CDC40: variants seen among roughly 807,000 people sequenced by gnomAD.
CDC40 encodes cell division cycle 40.
In CDC40, 27 loss-of-function variants were observed where a neutral mutation model predicts 80.6. That is an observed-to-expected ratio of 0.33 (90% confidence interval 0.25 to 0.46). CDC40 has a LOEUF of 0.46. Among genes scored for constraint, CDC40 ranks in the 20% least tolerant of loss-of-function variants. The probability of loss-of-function intolerance (pLI) is 1.00; values close to 1 mark genes in which losing one functional copy is unlikely to be tolerated. For missense variants in CDC40, 486 were observed against 694.1 expected, an observed-to-expected ratio of 0.70 and a Z score of 3.37; for synonymous variants, 221 against 232.6, an observed-to-expected ratio of 0.95 and a Z score of 0.45.
chr6:110,215,187 C>G (rs1445975909), intron 8 of CDC40, 99 bp from the exon 9 acceptor site: 4 of 860,312 alleles, frequency 4.6e-6, no homozygotes, highest in Non-Finnish European at 5.9e-6. Flanking sequence ...TTTACACACA[C>G]AGATGTGCAC....
chr6:110,204,234 G>A (rs923223998), intron 3 of CDC40, among the ~76,000 whole-genome samples: 2 of 151,946 alleles, frequency 1.3e-5, no homozygotes, highest in South Asian at 2.1e-4. Context: ...GGATGGTCTC[G>A]ATCTCCTGAC....
At chr6:110,219,697 C>G (rs1777743887) in intron 11 of CDC40, 39 bp from the exon 12 acceptor site, 3 of 1,603,014 alleles carry the variant, frequency 1.9e-6, no homozygotes, top group Non-Finnish European at 2.6e-6. Flanking sequence ...TAAATCCACT[C>G]TACTTCTGTC....
At chr6:110,223,352 G>A (rs55827800) in intron 12 of CDC40, among the ~76,000 whole-genome samples, 18,567 of 152,138 alleles carry the variant, frequency 0.12, 1,156 homozygotes, top group South Asian at 0.19. Context: ...ATGAATGGAT[G>A]GTTAGATGAA....
At chr6:110,188,147 G>A (rs1777299050) in intron 1 of CDC40, among the ~76,000 whole-genome samples, 1 of 152,116 alleles carries the variant, frequency 6.6e-6, no homozygotes, top group South Asian at 2.1e-4. Flanking sequence ...GATGTGTCAT[G>A]ATACTCTTCA....
chr6:110,201,193 C>G (rs753126036), intron 2 of CDC40, among the ~76,000 whole-genome samples: 20 of 152,142 alleles, frequency 1.3e-4, no homozygotes, highest in Admixed American at 2.6e-4. Context: ...CACCCCAAAT[C>G]CCCGAAATCA....
rs1777374099 is a variant in CDC40, at chr6:110,193,216, C to T, written c.224C>T (p.Ala75Val). 1.2e-6 allele frequency: 2 copies of T among 1,608,976 alleles called. No individual in the cohort carries two copies. Among genetic ancestry groups the T allele is most frequent in the African/African-American group, 2.7e-5 (2 of 74,892 alleles). The change falls in exon 2 of 15, where the codon GCC (alanine) becomes GTC (valine). Residue 75 changes from alanine (A) to valine (V), a missense_variant. Transcript: ENST00000307731. ...GAGACTGGAGTTCACCTTGACCCTG[C>T]CGTCAAAGAAGTTCAGTATAATCCT... ...DLETGVHLDP[A>V]VKEVQYNPTY...
chr6:110,231,481 C>G lies in CDC40; in HGVS notation c.*1350C>G, dbSNP rs1171775603. ...TGCCACTGCACTCCAGCCTGGGCGA[C>G]AGAGCGAGACTCCACCTCAAAAAAT... On this transcript the variant is annotated 3_prime_UTR_variant, in exon 15 of 15. Transcript: ENST00000307731. The G allele has an allele frequency of 6.6e-6, 1 of 152,302 alleles. No individual in the cohort carries two copies. Among genetic ancestry groups the G allele is most frequent in the African/African-American group, 2.4e-5 (1 of 41,456 alleles). 9.4% of individuals were successfully genotyped at this position (152,302 alleles called of 1,614,324 possible).
In CDC40 at chr6:110,230,824, G is replaced by C. The variant is rs548709296; in HGVS notation, c.*693G>C. ...ATCAGAGAATTACATTATATCTGAA[G>C]ATGGAGCTCAGGAGAATGCACCAAG... On this transcript the variant is annotated 3_prime_UTR_variant, in exon 15 of 15. Transcript: ENST00000307731. The C allele has an allele frequency of 6.6e-6, 1 of 152,264 alleles. No homozygotes were observed. Among genetic ancestry groups the C allele is most frequent in the African/African-American group, 2.4e-5 (1 of 41,542 alleles). The allele number at this position is 152,264 out of a possible 1,614,324, so 9.4% of individuals were successfully genotyped here. A position where few individuals can be genotyped will look rare whatever the true frequency, so the allele number is the denominator to read the frequency against.
intron 2 of CDC40, among the ~76,000 whole-genome samples, chr6:110,199,451 G>A (rs1362491400): frequency 3.3e-5 from 5 of 151,358 alleles, no homozygotes; most frequent in African/African-American, 7.3e-5. Flanking sequence ...AAAATTAGCC[G>A]GGTGTGGTGG....
Position 110,202,122 on chromosome 6 carries a change from A to G in CDC40, c.406+435A>G, listed in dbSNP as rs192927788. 3.2e-3 allele frequency among the ~76,000 whole-genome samples: 489 copies of G among 152,330 alleles called. 2 individuals are homozygous for G. The highest frequency in any genetic ancestry group is 0.014 in the Middle Eastern group (4 of 294). The stretch of plus-strand genomic sequence containing the variant: ...TGCTTTCTCTTGATCACTGAAGGGT[A>G]TCAGGAAAGAGAATAGCGAAAAATT... On this transcript the variant is annotated intron_variant, in intron 3 of 14. Coordinates refer to ENST00000307731, the MANE Select transcript of CDC40 (RefSeq NM_015891.3).
intron 2 of CDC40, among the ~76,000 whole-genome samples, chr6:110,199,893 C>T (rs899627515): frequency 3.3e-5 from 5 of 151,990 alleles, no homozygotes; most frequent in African/African-American, 1.2e-4. Flanking sequence ...GATAGCTGAC[C>T]GTAGCGGGTA....
chr6:110,219,023 T>C (rs1680351415), intron 10 of CDC40, among the ~76,000 whole-genome samples: 4 of 152,270 alleles, frequency 2.6e-5, no homozygotes, highest in South Asian at 2.1e-4. Flanking sequence ...AACGAAATCA[T>C]ACCATTTTTT....
Position 110,231,867 on chromosome 6 carries a change from A to G in CDC40, c.*1736A>G, listed in dbSNP as rs1284988879. On this transcript the variant is annotated 3_prime_UTR_variant, in exon 15 of 15. Transcript: ENST00000307731. The stretch of plus-strand genomic sequence containing the variant: ...TCATAGAAAAAGAATAAAAGCGGAG[A>G]TATATTTTTTGACACAGAGGCACCC... 1 of 145,848 alleles carries G rather than the reference A, an allele frequency of 6.9e-6. No individual in the cohort carries two copies. The highest frequency in any genetic ancestry group is 1.5e-5 in the Non-Finnish European group (1 of 66,920). The allele number at this position is 145,848 out of a possible 1,614,324, so 9.0% of individuals were successfully genotyped here. A position where few individuals can be genotyped will look rare whatever the true frequency, so the allele number is the denominator to read the frequency against.
intron 1 of CDC40, among the ~76,000 whole-genome samples, chr6:110,190,241 A>T (rs1777328129): frequency 6.6e-6 from 1 of 152,210 alleles, no homozygotes; most frequent in African/African-American, 2.4e-5. Flanking sequence ...AGGCGGCATA[A>T]AATAATAAAG....
chr6:110,210,789 A>C lies in CDC40; in HGVS notation c.713A>C (p.Lys238Thr), dbSNP rs1199795139. ...GAAGAAGAGAAACCTGGGGAGGAGA[A>C]GACAATCTTACATGGTAACATATTT... The part of the protein sequence containing the change: ...KQEEEKPGEE[K>T]TILHVKEMYD... Residue 238 changes from lysine (K) to threonine (T), a missense_variant, in exon 6 of 15, where the codon AAG becomes ACG. By Grantham distance (78) the Lys-to-Thr change is moderately conservative (BLOSUM62 -1). This residue lies in a region of CDC40 where 381 missense variants were observed against 492.1 expected (regional missense o/e 0.77). Coordinates refer to ENST00000307731, the MANE Select transcript of CDC40 (RefSeq NM_015891.3). 6.4e-7 allele frequency: 1 copy of C among 1,556,754 alleles called. No individual in the cohort carries two copies. Among genetic ancestry groups the C allele is most frequent in the Admixed American group, 1.9e-5 (1 of 51,320 alleles).
At chr6:110,199,391 G>A (rs955167755) in intron 2 of CDC40, among the ~76,000 whole-genome samples, 48 of 151,772 alleles carry the variant, frequency 3.2e-4, no homozygotes, top group Admixed American at 6.6e-5. Context: ...TCAGGAGATC[G>A]AGACCATCCT....
chr6:110,212,774 T>G (rs1379306392), intron 7 of CDC40, among the ~76,000 whole-genome samples: 1 of 152,136 alleles, frequency 6.6e-6, no homozygotes, highest in Non-Finnish European at 1.5e-5. Flanking sequence ...CAACTTATAA[T>G]TTCCAACTCT....
chr6:110,220,635 TG>T (rs779554610), intron 12 of CDC40, among the ~76,000 whole-genome samples: 2 of 151,932 alleles, frequency 1.3e-5, no homozygotes, highest in Non-Finnish European at 2.9e-5. Flanking sequence ...TTAGTAGAGA[TG>T]GGGTTTCACT....
chr6:110,231,627 C>T lies in CDC40; in HGVS notation c.*1496C>T, dbSNP rs187972878. On this transcript the variant is annotated 3_prime_UTR_variant, in exon 15 of 15. Transcript: ENST00000307731. ...AATATGGTTTGAAATATTTCACTACCGTGCTGAAAAAGGTTGGTTGATAGC... is the reference window on the plus strand; with the variant it reads ...AATATGGTTTGAAATATTTCACTACTGTGCTGAAAAAGGTTGGTTGATAGC... 9.8e-5 allele frequency: 15 copies of T among 152,290 alleles called. No individual in the cohort carries two copies. The highest frequency in any genetic ancestry group is 5.9e-4 in the Admixed American group (9 of 15,296). 9.4% of individuals were successfully genotyped at this position (152,290 alleles called of 1,614,324 possible). A position where few individuals can be genotyped will look rare whatever the true frequency, so the allele number is the denominator to read the frequency against.
Sources: gnomAD v4.1 joint callset for allele counts (sites outside exome capture counted in the v4.1 genomes callset) on GRCh38, gnomAD v4.1.1 for gene constraint, gnomAD v4.1.1 regional missense constraint, MANE v1.5 for transcripts, NCBI Gene and HGNC (gene_info 2026-07-23, HGNC 2026-07-21) for gene names.